ZC2HC1A: variants seen among roughly 807,000 people sequenced by gnomAD.
ZC2HC1A encodes zinc finger C2HC-type containing 1A.
In ZC2HC1A, 28 loss-of-function variants were observed where a neutral mutation model predicts 40.7. That is an observed-to-expected ratio of 0.69 (90% confidence interval 0.51 to 0.94). The LOEUF is 0.94. Among genes scored for constraint, ZC2HC1A ranks in the 40% least tolerant of loss-of-function variants. The pLI is 0.00. For synonymous variants in ZC2HC1A, 129 were observed against 129.2 expected (o/e 1.00, Z 0.01); for missense variants, 389 against 386.3 (o/e 1.01, Z -0.06).
At chr8:78,702,716 A>G (rs557642874) in intron 7 of ZC2HC1A, among the ~76,000 whole-genome samples, 1 of 152,126 alleles carries the variant, frequency 6.6e-6, no homozygotes, top group Non-Finnish European at 1.5e-5. Flanking sequence ...TTCATTATTT[A>G]TCCAAAAATC....
At chr8:78,713,370 C>T (rs1811006360) in intron 7 of ZC2HC1A, among the ~76,000 whole-genome samples, 1 of 151,618 alleles carries the variant, frequency 6.6e-6, no homozygotes, top group Non-Finnish European at 1.5e-5. Flanking sequence ...TTTGAACAAC[C>T]TCAAGTTACC....
chr8:78,677,354 T>TA (rs34753315), intron 2 of ZC2HC1A, among the ~76,000 whole-genome samples: 29 of 148,214 alleles, frequency 2.0e-4, no homozygotes, highest in East Asian at 9.8e-4. Context: ...GACAACTCTT[T>TA]AAAAAAAAAA....
chr8:78,712,109 A>G (rs746691529), intron 7 of ZC2HC1A: 2 of 1,274,326 alleles, frequency 1.6e-6, no homozygotes, highest in South Asian at 2.5e-5. Context: ...ATTTACAAGT[A>G]AGTATTTGTA....
chr8:78,674,353 G>A (rs1809515407), intron 1 of ZC2HC1A, among the ~76,000 whole-genome samples: 1 of 152,106 alleles, frequency 6.6e-6, no homozygotes. Context: ...TAAAATCATT[G>A]CTTAGTATTT....
chr8:78,667,453 A>T (rs772129113), intron 1 of ZC2HC1A, among the ~76,000 whole-genome samples: 26 of 152,130 alleles, frequency 1.7e-4, no homozygotes, highest in Non-Finnish European at 3.4e-4. Context: ...GGGTTATGGA[A>T]TTCTCATGAG....
intron 1 of ZC2HC1A, among the ~76,000 whole-genome samples, chr8:78,668,513 A>G (rs1809362332): frequency 6.6e-6 from 1 of 152,156 alleles, no homozygotes; most frequent in African/African-American, 2.4e-5. Flanking sequence ...AATTTCTATT[A>G]AAGATAATCT....
intron 5 of ZC2HC1A, among the ~76,000 whole-genome samples, chr8:78,695,831 A>G (rs959764852): frequency 2.0e-5 from 3 of 152,186 alleles, no homozygotes; most frequent in African/African-American, 4.8e-5. Flanking sequence ...TAATACTGCA[A>G]AACGTGAATG....
intron 1 of ZC2HC1A, among the ~76,000 whole-genome samples, chr8:78,667,330 T>C (rs928473633): frequency 6.6e-5 from 10 of 152,198 alleles, no homozygotes; most frequent in Middle Eastern, 3.2e-3. Context: ...TCTTGTTTTT[T>C]GCTTATGTGT....
At chr8:78,703,999 A>G (rs1810688858) in intron 7 of ZC2HC1A, among the ~76,000 whole-genome samples, 1 of 152,114 alleles carries the variant, frequency 6.6e-6, no homozygotes, top group African/African-American at 2.4e-5. Flanking sequence ...TTCCTACAGC[A>G]TTTGCTGGTC....
chr8:78,675,257 A>T (rs938295463), intron 1 of ZC2HC1A, among the ~76,000 whole-genome samples: 1 of 151,832 alleles, frequency 6.6e-6, no homozygotes, highest in African/African-American at 2.4e-5. Flanking sequence ...ATAAAATAAT[A>T]ATTCACATAA....
intron 1 of ZC2HC1A, 113 bp from the exon 2 acceptor site, chr8:78,675,674 C>T (rs1346549624): frequency 5.1e-6 from 5 of 984,998 alleles, no homozygotes; most frequent in Non-Finnish European, 7.4e-6. Flanking sequence ...TGCAGTAAAA[C>T]ATTTTTCACA....
rs372576690 is a variant in ZC2HC1A at position 78,715,211 on chromosome 8, T to C, written c.705-10T>C. 5.0e-6 allele frequency: 8 copies of C among 1,610,290 alleles called. No individual in the cohort carries two copies. The highest frequency in any genetic ancestry group is 2.2e-5 in the East Asian group (1 of 44,764). On this transcript the variant is annotated splice_polypyrimidine_tract_variant and intron_variant, in intron 7 of 8. Transcript: ENST00000263849. ...CAATACTTTTCCATTATTTTTCCTCTTTTTTATAGAGCTAATGTCAAACCC... is the reference window on the plus strand; with the variant it reads ...CAATACTTTTCCATTATTTTTCCTCCTTTTTATAGAGCTAATGTCAAACCC...
rs534521670 is a variant in ZC2HC1A at position 78,669,087 on chromosome 8, G to A, written c.16+2923G>A. 2.0e-3 allele frequency among the ~76,000 whole-genome samples: 300 copies of A among 152,014 alleles called. 3 individuals carry two copies. The highest frequency in any genetic ancestry group is 0.016 in the Admixed American group (239 of 15,284). On this transcript the variant is annotated intron_variant, in intron 1 of 8. Transcript: ENST00000263849. ...CGTGTCTCATCAAAATTTCTGTTTT[G>A]TTTTATTTTTTCGTAGTATAAATGT...
At chr8:78,711,382 A>G (rs1483573) in intron 7 of ZC2HC1A, among the ~76,000 whole-genome samples, 97,241 of 151,118 alleles carry the variant, frequency 0.64, 33,074 homozygotes, top group East Asian at 0.9. Context: ...GTGTGTGTGT[A>G]TATATAGGCC....
chr8:78,689,452 G>A (rs1007395493), intron 5 of ZC2HC1A, 79 bp downstream of exon 5: 1 of 1,329,212 alleles, frequency 7.5e-7, no homozygotes, highest in Non-Finnish European at 1.0e-6. Flanking sequence ...TGCTTTTCAT[G>A]ACATTAGACT....
chr8:78,678,060 G>A (rs1809640385), intron 2 of ZC2HC1A, among the ~76,000 whole-genome samples: 1 of 152,078 alleles, frequency 6.6e-6, no homozygotes, highest in African/African-American at 2.4e-5. Flanking sequence ...GGTCACTCTC[G>A]TCACCATTTT....
At chr8:78,692,500 A>C (rs901047438) in intron 5 of ZC2HC1A, among the ~76,000 whole-genome samples, 5 of 152,190 alleles carry the variant, frequency 3.3e-5, no homozygotes, top group Non-Finnish European at 7.3e-5. Context: ...TAGACATGAC[A>C]TGGTAGGTAA....
rs372858379 is a variant in ZC2HC1A at position 78,697,418 on chromosome 8, C to G, written c.516C>G (p.Pro172=). The G allele has an allele frequency of 6.3e-7, 1 of 1,597,146 alleles. No homozygotes were observed. Among genetic ancestry groups the G allele is most frequent in the Non-Finnish European group, 8.5e-7 (1 of 1,174,494 alleles). ...PTSRTQVYKP[P]ALKKSNSPGT... is the part of the protein sequence containing the mutation. ...TTCCATTATTTTAGTATAAGCCACC[C>G]GCACTTAAAAAGTCAAATTCTCCTG... Residue 172 remains proline (P), a synonymous_variant, in exon 6 of 9, where the codon CCC becomes CCG. Transcript: ENST00000263849.
intron 7 of ZC2HC1A, among the ~76,000 whole-genome samples, chr8:78,701,223 T>C (rs1012808521): frequency 1.3e-5 from 2 of 152,152 alleles, no homozygotes; most frequent in African/African-American, 4.8e-5. Flanking sequence ...CAGTTACCTG[T>C]ATTCTTAGGT....
Sources: allele counts gnomAD v4.1 joint callset (sites outside exome capture counted in the v4.1 genomes callset), GRCh38; gene constraint gnomAD v4.1.1; transcripts MANE v1.5; gene names NCBI Gene and HGNC (gene_info 2026-07-23, HGNC 2026-07-21).